CTIF: variants seen among roughly 807,000 people sequenced by gnomAD.
CTIF encodes the protein cap binding complex dependent translation initiation factor.
CTIF carries 21 observed loss-of-function variants against 66.0 expected under a neutral mutation model. The ratio of observed to expected loss-of-function variants is 0.32; its 90% CI spans 0.23 to 0.46. The LOEUF is 0.46. Ranked by LOEUF, CTIF falls within the 20% of genes least tolerant of loss-of-function variation. The probability of loss-of-function intolerance (pLI) is 1.00; values close to 1 mark genes in which losing one functional copy is unlikely to be tolerated. For synonymous variants in CTIF, 345 were observed against 326.4 expected, an observed-to-expected ratio of 1.06 and a Z score of -0.62; for missense variants, 739 against 812.7, an observed-to-expected ratio of 0.91 and a Z score of 1.10.
intron 6 of CTIF, among the ~76,000 whole-genome samples, chr18:48,685,562 G>A (rs189655653): frequency 8.7e-4 from 133 of 152,172 alleles, no homozygotes; most frequent in African/African-American, 2.5e-3. Flanking sequence ...CAGAAATGGC[G>A]CTGTGTCCCT....
intron 1 of CTIF, among the ~76,000 whole-genome samples, chr18:48,609,929 A>G (rs1478773423): frequency 6.6e-6 from 1 of 152,136 alleles, no homozygotes; most frequent in Non-Finnish European, 1.5e-5. Flanking sequence ...GTCAACTCCC[A>G]GCATCCATTG....
chr18:48,688,049 T>C (rs2091871038), intron 6 of CTIF, among the ~76,000 whole-genome samples: 1 of 152,240 alleles, frequency 6.6e-6, no homozygotes, highest in Non-Finnish European at 1.5e-5. Flanking sequence ...TTTCTGGAAA[T>C]GTTTAAATAA....
At chr18:48,646,968 T>G (rs2091049158) in intron 3 of CTIF, among the ~76,000 whole-genome samples, 1 of 144,410 alleles carries the variant, frequency 6.9e-6, no homozygotes, top group Non-Finnish European at 1.5e-5. Context: ...GCAATTGCAC[T>G]CCTGGGTGTT....
chr18:48,563,127 A>G (rs1453968615), intron 1 of CTIF, among the ~76,000 whole-genome samples: 1 of 152,092 alleles, frequency 6.6e-6, no homozygotes, highest in East Asian at 1.9e-4. Flanking sequence ...CTTTCTTAGG[A>G]TGCTCCCTGT....
chr18:48,848,417 C>T (rs2069127469), intron 10 of CTIF, among the ~76,000 whole-genome samples: 1 of 152,218 alleles, frequency 6.6e-6, no homozygotes, highest in East Asian at 1.9e-4. Flanking sequence ...AAGGAGGCTC[C>T]TCCAGGCAGG....
intron 1 of CTIF, chr18:48,565,114 C>T (rs2089250945): frequency 1.3e-5 from 2 of 150,108 alleles, no homozygotes; most frequent in Admixed American, 6.6e-5. Context: ...TTAATTAACT[C>T]GGGTCTTGAT....
chr18:48,722,768 G>C (rs1297385069), intron 7 of CTIF, among the ~76,000 whole-genome samples: 1 of 147,622 alleles, frequency 6.8e-6, no homozygotes, highest in South Asian at 2.3e-4. Flanking sequence ...ACACGGCTGT[G>C]CCCATCGGCG....
At chr18:48,833,375 C>A (rs1206470466) in intron 10 of CTIF, among the ~76,000 whole-genome samples, 1 of 152,058 alleles carries the variant, frequency 6.6e-6, no homozygotes, top group African/African-American at 2.4e-5. Context: ...ATGCCTCTTG[C>A]TGATGCGGAG....
intron 1 of CTIF, among the ~76,000 whole-genome samples, chr18:48,612,812 G>A (rs1173180670): frequency 6.6e-6 from 1 of 152,192 alleles, no homozygotes; most frequent in East Asian, 1.9e-4. Context: ...GCCCCCTGCA[G>A]CGGGCCTGGG....
chr18:48,770,329 TGC>T (rs1909983988), intron 9 of CTIF, among the ~76,000 whole-genome samples: 2 of 152,060 alleles, frequency 1.3e-5, no homozygotes, highest in East Asian at 3.9e-4. Flanking sequence ...ACTGTGCCAC[TGC>T]GCCACTGCGC....
chr18:48,808,500 C>T (rs2068195726), intron 9 of CTIF, among the ~76,000 whole-genome samples: 1 of 144,942 alleles, frequency 6.9e-6, no homozygotes, highest in Admixed American at 6.9e-5. Flanking sequence ...CTTTCATTCT[C>T]TTCAAATTTT....
At chr18:48,673,137 G>T (rs562696279) in intron 6 of CTIF, among the ~76,000 whole-genome samples, 41 of 152,188 alleles carry the variant, frequency 2.7e-4, no homozygotes, top group African/African-American at 8.2e-4. Flanking sequence ...CCACCACGTC[G>T]CACCTGCTTA....
intron 7 of CTIF, among the ~76,000 whole-genome samples, chr18:48,751,608 C>T (rs1041907858): frequency 5.9e-5 from 9 of 152,192 alleles, no homozygotes; most frequent in African/African-American, 2.2e-4. Flanking sequence ...GTGGCAGAGA[C>T]GTGGGTGTGA....
rs75398052 is a variant in CTIF at position 48,730,534 on chromosome 18, T to C, written c.584+18839T>C. ...GCTTCTGCGGTGTGAGGGGCCCCTGTGGTGTGAGGGGCTTCTGCTGTGTGA... is the reference window on the plus strand; with the variant it reads ...GCTTCTGCGGTGTGAGGGGCCCCTGCGGTGTGAGGGGCTTCTGCTGTGTGA... On this transcript the variant is annotated intron_variant, in intron 7 of 11. Coordinates refer to ENST00000256413, the MANE Select transcript of CTIF (RefSeq NM_014772.3). Among the ~76,000 whole-genome samples the C allele has an allele frequency of 3.1e-3, 40 of 13,052 alleles. 9 individuals carry two copies. The highest frequency in any genetic ancestry group is 3.6e-3 in the Non-Finnish European group (26 of 7,318). The allele number at this position is 13,052 out of a possible 152,430, so 8.6% of individuals were successfully genotyped here.
chr18:48,623,114 C>A (rs1282703070), intron 2 of CTIF, among the ~76,000 whole-genome samples: 2 of 152,238 alleles, frequency 1.3e-5, no homozygotes. Context: ...GCCTGACTCA[C>A]GCTTGGATGC....
chr18:48,766,204 T>C (rs971306642), intron 9 of CTIF, among the ~76,000 whole-genome samples: 5 of 149,576 alleles, frequency 3.3e-5, no homozygotes, highest in Admixed American at 6.7e-5. Flanking sequence ...ATGAATCACG[T>C]GGGATTTTGT....
At chr18:48,645,517 G>T (rs1159647560) in intron 3 of CTIF, among the ~76,000 whole-genome samples, 1 of 152,156 alleles carries the variant, frequency 6.6e-6, no homozygotes, top group Non-Finnish European at 1.5e-5. Flanking sequence ...TATCAGAGGG[G>T]CTCCAACCCC....
At chr18:48,856,262 C>T (rs1021032000) in intron 10 of CTIF, among the ~76,000 whole-genome samples, 3 of 152,136 alleles carry the variant, frequency 2.0e-5, no homozygotes, top group Non-Finnish European at 4.4e-5. Context: ...ACATAGCAAG[C>T]ATTGGTGAGG....
chr18:48,612,890 G>A (rs888772850), intron 1 of CTIF, among the ~76,000 whole-genome samples: 1 of 152,124 alleles, frequency 6.6e-6, no homozygotes, highest in African/African-American at 2.4e-5. Flanking sequence ...CAGAAATTGG[G>A]GTCTTCCTGG....
Sources: gnomAD v4.1 joint callset for allele counts (sites outside exome capture counted in the v4.1 genomes callset) on GRCh38, gnomAD v4.1.1 for gene constraint, MANE v1.5 for transcripts, NCBI Gene and HGNC (gene_info 2026-07-23, HGNC 2026-07-21) for gene names.